HELLS: variants seen among roughly 807,000 people sequenced by gnomAD.
The protein encoded by HELLS is helicase, lymphoid specific.
Under a neutral mutation model 120.0 loss-of-function variants are expected in HELLS, and 32 were observed. The ratio of observed to expected loss-of-function variants is 0.27; its 90% CI spans 0.20 to 0.36. The LOEUF is 0.36. HELLS is among the 10% of genes least tolerant of loss of function. HELLS has a pLI of 1.00. For missense variants in HELLS, 650 were observed against 993.4 expected, an observed-to-expected ratio of 0.65 and a Z score of 4.65; for synonymous variants, 341 against 323.4, an observed-to-expected ratio of 1.05 and a Z score of -0.58.
rs745918386 is a variant in HELLS at position 94,574,539 on chromosome 10, T to C, written c.706-15T>C. 1 of 1,587,188 alleles carries C rather than the reference T, an allele frequency of 6.3e-7. No homozygotes were observed. The highest frequency in any genetic ancestry group is 1.1e-5 in the South Asian group (1 of 90,310). ...TATATCCAAGTTTAAATACAGTATC[T>C]ATTATTTTGTCCAGATGCTTTGGGA... On this transcript the variant is annotated splice_polypyrimidine_tract_variant and intron_variant, in intron 8 of 21. Transcript: ENST00000348459.
At position 94,584,149 on chromosome 10, in the gene HELLS, C is replaced by G. The variant is rs1589747640; in HGVS notation, c.1326+1090C>G. The G allele has an allele frequency of 2.6e-6, 3 of 1,158,856 alleles. No homozygotes were observed. In the East Asian group the frequency reaches 8.9e-5, roughly 34 times the overall value. 71.8% of individuals were successfully genotyped at this position (1,158,856 alleles called of 1,614,324 possible). A position where few individuals can be genotyped will look rare whatever the true frequency, so the allele number is the denominator to read the frequency against. On this transcript the variant is annotated intron_variant, in intron 12 of 21. Transcript: ENST00000348459. Reference sequence around the variant, plus strand: ...AGGTTAGAAGTCCTTTTCAGTGTTGCAGAGATTAAAAAGGATGATTATTGC... The same window carrying G: ...AGGTTAGAAGTCCTTTTCAGTGTTGGAGAGATTAAAAAGGATGATTATTGC...
In HELLS at chr10:94,584,046, A is replaced by T. The variant is rs779418169; in HGVS notation, c.1326+987A>T. On this transcript the variant is annotated intron_variant, in intron 12 of 21. Transcript: ENST00000348459. ...ACAGATGAGGGCTTCTTTGAAGGCA[A>T]ATTGCCCTCCAGAAAAGATTTATAT... 2.5e-6 allele frequency: 3 copies of T among 1,177,870 alleles called. No individual in the cohort carries two copies. In the South Asian group the frequency reaches 4.3e-5, roughly 17 times the overall value. 73.0% of individuals were successfully genotyped at this position (1,177,870 alleles called of 1,614,324 possible).
In HELLS at chr10:94,546,381, G is replaced by A; in HGVS notation, c.36G>A (p.Ser12=). 1 of 1,614,106 alleles carries A rather than the reference G, an allele frequency of 6.2e-7. No individual in the cohort carries two copies. ...GAAAGCTTTCTCCCCCGTCAGGCTCGGAGGCTCCAGCAATGGTTGAACAAC... is the reference window on the plus strand; with the variant it reads ...GAAAGCTTTCTCCCCCGTCAGGCTCAGAGGCTCCAGCAATGGTTGAACAAC... ...PAERPAGSGG[S]EAPAMVEQLD... The change falls in exon 2 of 22, where the codon TCG becomes TCA. Residue 12 remains serine, a synonymous_variant. Transcript: ENST00000348459.
chr10:94,568,682 A>C (rs905966162), intron 6 of HELLS, among the ~76,000 whole-genome samples: 3 of 152,240 alleles, frequency 2.0e-5, no homozygotes, highest in African/African-American at 7.2e-5. Flanking sequence ...TTTCTTGTAG[A>C]AAAATTTGAG....
chr10:94,582,963 C>T lies in HELLS; in HGVS notation c.1230C>T (p.Ser410=). 6.4e-7 allele frequency: 1 copy of T among 1,567,810 alleles called. No homozygotes were observed. Among genetic ancestry groups the T allele is most frequent in the Non-Finnish European group, 8.7e-7 (1 of 1,149,574 alleles). Reference sequence around the variant, plus strand: ...TAACTTAAACATTTTTCTCTTCCAGCTTTGAGTCTTGGTTTGACATCACTA... The same window carrying T: ...TAACTTAAACATTTTTCTCTTCCAGTTTTGAGTCTTGGTTTGACATCACTA... ...LLPDVFDDLK[S]FESWFDITSL... The change falls in exon 12 of 22, where the codon AGC becomes AGT. Residue 410 remains serine (S), a splice_region_variant and synonymous_variant. Transcript: ENST00000348459.
At chr10:94,605,239 T>A (rs550744208), downstream of HELLS, among the ~76,000 whole-genome samples, 20 of 152,000 alleles carry the variant, frequency 1.3e-4, no homozygotes, top group South Asian at 4.0e-3. Flanking sequence ...CCCACCACCA[T>A]GCCCAGCTAA....
chr10:94,611,361 A>G (rs985816531), exon 10 of HELLS: 8 of 152,076 alleles, frequency 5.3e-5, no homozygotes, highest in African/African-American at 1.9e-4. Context: ...ACTTAATGTA[A>G]TGTTTGCTAC....
intron 10 of HELLS, 115 bp from the exon 11 acceptor site, chr10:94,581,211 C>A: frequency 3.5e-6 from 2 of 578,736 alleles, no homozygotes; most frequent in Non-Finnish European, 5.9e-6. Context: ...ACTGAAATTA[C>A]ATTTGATAAA....
chr10:94,571,866 A>G (rs1456944971), intron 7 of HELLS, among the ~76,000 whole-genome samples: 5 of 152,196 alleles, frequency 3.3e-5, no homozygotes, highest in African/African-American at 7.2e-5. Flanking sequence ...AGCCCATTTC[A>G]TGTAGAGAGG....
chr10:94,601,452 T>C, intron 21 of HELLS, 76 bp from the exon 22 acceptor site: 2 of 798,748 alleles, frequency 2.5e-6, no homozygotes, highest in Non-Finnish European at 4.2e-6. Context: ...TCTCATAACA[T>C]CATATTGGAT....
Position 94,554,162 on chromosome 10 carries a change from C to T in HELLS, c.190C>T (p.Arg64Trp), listed in dbSNP as rs1245886144. Reference sequence around the variant, plus strand: ...TTGGGATAGAGAGTCGACAGAAATTCGGTACCGTAGACTTCAACATTTGCT... The same window carrying T: ...TTGGGATAGAGAGTCGACAGAAATTTGGTACCGTAGACTTCAACATTTGCT... ...MSWDRESTEI[R>W]YRRLQHLLEK... Residue 64 changes from arginine to tryptophan, a missense_variant, in exon 3 of 22, where the codon CGG becomes TGG. Arg to Trp is a moderately radical substitution (Grantham distance 101). Around this residue, in one of 9 missense-constraint regions of HELLS, gnomAD observed 90 missense variants for 93.6 expected, o/e 0.96. Transcript: ENST00000348459. The T allele has an allele frequency of 6.4e-7, 1 of 1,574,456 alleles. No homozygotes were observed. Among genetic ancestry groups the T allele is most frequent in the Non-Finnish European group, 8.6e-7 (1 of 1,166,250 alleles).
chr10:94,592,857 C>T (rs1049719884), intron 17 of HELLS, among the ~76,000 whole-genome samples: 1 of 150,742 alleles, frequency 6.6e-6, no homozygotes, highest in Non-Finnish European at 1.5e-5. Flanking sequence ...AAAAAAGCAA[C>T]TGTAAATCCG....
downstream of HELLS, among the ~76,000 whole-genome samples, chr10:94,604,535 C>A (rs939675188): frequency 1.5e-5 from 2 of 136,708 alleles, no homozygotes; most frequent in African/African-American, 2.8e-5. Flanking sequence ...TCTTCAGATG[C>A]CTTGGGATCA....
chr10:94,579,314 C>T (rs1416268448), intron 10 of HELLS, among the ~76,000 whole-genome samples: 4 of 150,794 alleles, frequency 2.7e-5, no homozygotes, highest in Non-Finnish European at 5.9e-5. Context: ...CATTCTCCTG[C>T]CTCAGCCTGC....
chr10:94,596,429 T>G (rs966925570), intron 19 of HELLS, among the ~76,000 whole-genome samples: 1 of 152,192 alleles, frequency 6.6e-6, no homozygotes, highest in African/African-American at 2.4e-5. Context: ...TTTTTCTGTT[T>G]AGCTATTTTG....
chr10:94,562,604 T>C, intron 4 of HELLS, 87 bp from the exon 5 acceptor site: 2 of 905,620 alleles, frequency 2.2e-6, no homozygotes, highest in Non-Finnish European at 3.5e-6. Flanking sequence ...AGGAAACATA[T>C]TTTTTCTCAA....
intron 10 of HELLS, among the ~76,000 whole-genome samples, chr10:94,580,117 G>GTATATATATATATATA (rs58984411): frequency 3.1e-5 from 2 of 65,490 alleles, no homozygotes; most frequent in African/African-American, 5.7e-5. Flanking sequence ...CATTATAAAA[G>GTATATATATATATATA]TATATATATA....
At chr10:94,609,456 A>G (rs1175490946) in intron 9 of HELLS, among the ~76,000 whole-genome samples, 1 of 152,218 alleles carries the variant, frequency 6.6e-6, no homozygotes, top group Non-Finnish European at 1.5e-5. Flanking sequence ...AGCAAAAACT[A>G]TGATAGGTGT....
chr10:94,570,990 A>G (rs1844121876), intron 6 of HELLS: 1 of 173,526 alleles, frequency 5.8e-6, no homozygotes, highest in Non-Finnish European at 1.2e-5. Context: ...CTTTGTTCCA[A>G]TTTATCCCAT....
Sources: allele counts gnomAD v4.1 joint callset (sites outside exome capture counted in the v4.1 genomes callset), GRCh38; gene constraint gnomAD v4.1.1; regional missense constraint gnomAD v4.1.1; transcripts MANE v1.5; gene names NCBI Gene and HGNC (gene_info 2026-07-23, HGNC 2026-07-21).